The following MAP2K5 variants were observed in gnomAD, a reference collection of about 807,000 sequenced individuals.
The protein encoded by MAP2K5 is dual specificity mitogen-activated protein kinase kinase 5.
In MAP2K5, 49 loss-of-function variants were observed where a neutral mutation model predicts 83.1. The observed-to-expected ratio is 0.59, with a 90% CI of 0.47 to 0.75. The LOEUF (loss-of-function observed/expected upper bound fraction) is 0.75. MAP2K5 is among the 30% of genes least tolerant of loss of function. The probability of loss-of-function intolerance (pLI) is 0.00; values close to 1 mark genes in which losing one functional copy is unlikely to be tolerated. For synonymous variants in MAP2K5, 202 were observed against 191.8 expected (o/e 1.05, Z -0.44); for missense variants, 457 against 557.5 (o/e 0.82, Z 1.82).
In MAP2K5 at chr15:67,565,001, A is replaced by AT. The variant is rs2084809265; in HGVS notation, c.252+1658dup. ...ATATACAAAATGCTTGAGGTATTTAATTTTTTTAGTTTTAATAATCACTCT... is the reference window on the plus strand; with the variant it reads ...ATATACAAAATGCTTGAGGTATTTAATTTTTTTTAGTTTTAATAATCACTCT... On this transcript the variant is annotated intron_variant, in intron 3 of 21. Transcript: ENST00000178640. This position sits in a 1 kb window ranked among gnomAD's most constrained non-coding sequence, Gnocchi z 4.1. Among the ~76,000 whole-genome samples, 1 of 152,158 alleles carries AT rather than the reference A, an allele frequency of 6.6e-6. No individual in the cohort carries two copies. Among genetic ancestry groups the AT allele is most frequent in the South Asian group, 2.1e-4 (1 of 4,832 alleles).
At chr15:67,673,140 T>C (rs1387210194) in intron 13 of MAP2K5, among the ~76,000 whole-genome samples, 1 of 152,208 alleles carries the variant, frequency 6.6e-6, no homozygotes, top group Non-Finnish European at 1.5e-5. Flanking sequence ...GACTTGGCAA[T>C]GCGGTCTCTT....
At chr15:67,549,060 T>C (rs1390793031) in intron 1 of MAP2K5, 7 of 1,519,416 alleles carry the variant, frequency 4.6e-6, no homozygotes, top group African/African-American at 1.4e-5. Flanking sequence ...TGCTGAGAAA[T>C]ACTGCGAGCG....
chr15:67,673,949 A>G (rs1053244369), intron 13 of MAP2K5, among the ~76,000 whole-genome samples: 1 of 152,034 alleles, frequency 6.6e-6, no homozygotes, highest in African/African-American at 2.4e-5. Flanking sequence ...CCCAGGTTCA[A>G]ACGATTCTCC....
At chr15:67,697,110 C>A (rs1486483372) in intron 15 of MAP2K5, among the ~76,000 whole-genome samples, 1 of 152,090 alleles carries the variant, frequency 6.6e-6, no homozygotes, top group East Asian at 1.9e-4. Flanking sequence ...AAATAGAAGG[C>A]ATGGGTGAGG....
rs189470661 is a variant in MAP2K5, at chr15:67,779,908, T to C, written c.1242+7156T>C. On this transcript the variant is annotated intron_variant, in intron 21 of 21. Coordinates refer to ENST00000178640, the MANE Select transcript of MAP2K5 (RefSeq NM_145160.3). The surrounding 1 kb of genome is among the most constrained non-coding windows in gnomAD (Gnocchi z 4.6). ...TGGGTCTTTAAAGTATGTTACACTT[T>C]AGTTCCTCATTGGCCATGACTCAGC... 8.3e-4 allele frequency among the ~76,000 whole-genome samples: 127 copies of C among 152,302 alleles called. No individual in the cohort carries two copies. Among genetic ancestry groups the C allele is most frequent in the Middle Eastern group, 3.4e-3 (1 of 294 alleles).
At chr15:67,712,133 G>C (rs1244823548) in intron 16 of MAP2K5, among the ~76,000 whole-genome samples, 1 of 152,210 alleles carries the variant, frequency 6.6e-6, no homozygotes, top group Non-Finnish European at 1.5e-5. Flanking sequence ...GGCATTAAGT[G>C]AAGGTTTAGA....
chr15:67,544,196 G>C (rs1001047372), intron 1 of MAP2K5, among the ~76,000 whole-genome samples: 11 of 152,156 alleles, frequency 7.2e-5, no homozygotes, highest in African/African-American at 2.7e-4. Flanking sequence ...CCCAGCCTGA[G>C]CAAACTTAAA....
chr15:67,568,759 C>T (rs759593730), intron 3 of MAP2K5, among the ~76,000 whole-genome samples: 1 of 152,020 alleles, frequency 6.6e-6, no homozygotes, highest in Non-Finnish European at 1.5e-5. Context: ...GTAATCCCAG[C>T]ACTTTGGGAG....
chr15:67,716,120 C>G (rs991384665), intron 16 of MAP2K5, among the ~76,000 whole-genome samples: 2 of 152,148 alleles, frequency 1.3e-5, no homozygotes, highest in Non-Finnish European at 2.9e-5. Flanking sequence ...TGACAAAATC[C>G]CTGCTTTAAT....
chr15:67,692,391 C>G (rs1237847034), intron 13 of MAP2K5, 88 bp from the exon 14 acceptor site: 1 of 794,996 alleles, frequency 1.3e-6, no homozygotes, highest in African/African-American at 1.7e-5. Flanking sequence ...ATTTCTGCAA[C>G]TTGGTGTGGT....
In MAP2K5 at chr15:67,722,039, G is replaced by T. The variant is rs1380553135; in HGVS notation, c.1045-5877G>T. Among the ~76,000 whole-genome samples, 1 of 152,160 alleles carries T rather than the reference G, an allele frequency of 6.6e-6. No homozygotes were observed. The highest frequency in any genetic ancestry group is 1.5e-5 in the Non-Finnish European group (1 of 68,030). On this transcript the variant is annotated intron_variant, in intron 16 of 21. Transcript: ENST00000178640. The surrounding 1 kb of genome is among the most constrained non-coding windows in gnomAD (Gnocchi z 4.2). ...TTTTGATTTTAATATATTTGCTGTA[G>T]TGAGTACTGATAATGTGGAGGGTCC...
chr15:67,619,915 T>C (rs942705607), intron 8 of MAP2K5, among the ~76,000 whole-genome samples: 3 of 151,746 alleles, frequency 2.0e-5, no homozygotes, highest in African/African-American at 7.3e-5. Context: ...AAAATAAAAG[T>C]AAAATTTAGC....
chr15:67,627,069 A>G (rs1023281112), intron 8 of MAP2K5, among the ~76,000 whole-genome samples: 1 of 151,990 alleles, frequency 6.6e-6, no homozygotes, highest in Admixed American at 6.5e-5. Context: ...TAGTCCCTAC[A>G]GGGGGACTAT....
At position 67,676,940 on chromosome 15, in the gene MAP2K5, T is replaced by C. The variant is rs1050584384; in HGVS notation, c.847+12295T>C. 6.6e-5 allele frequency among the ~76,000 whole-genome samples: 10 copies of C among 152,314 alleles called. No homozygotes were observed. The highest frequency in any genetic ancestry group is 2.4e-4 in the African/African-American group (10 of 41,566). On this transcript the variant is annotated intron_variant, in intron 13 of 21. Coordinates refer to ENST00000178640, the MANE Select transcript of MAP2K5 (RefSeq NM_145160.3). The surrounding 1 kb of genome is among the most constrained non-coding windows in gnomAD (Gnocchi z 4.8). Reference sequence around the variant, plus strand: ...ACCTTGGGTCAGCTTCTTAACTTCTTTGAGGTCATAGCATTGTACCTGGCA... The same window carrying C: ...ACCTTGGGTCAGCTTCTTAACTTCTCTGAGGTCATAGCATTGTACCTGGCA...
intron 4 of MAP2K5, among the ~76,000 whole-genome samples, chr15:67,582,765 G>A (rs1230609201): frequency 6.6e-6 from 1 of 152,008 alleles, no homozygotes; most frequent in East Asian, 1.9e-4. Context: ...AGGCTACAGT[G>A]AGCCATGTTT....
intron 16 of MAP2K5, among the ~76,000 whole-genome samples, chr15:67,712,046 G>A (rs1224134504): frequency 6.6e-6 from 1 of 152,220 alleles, no homozygotes; most frequent in Non-Finnish European, 1.5e-5. Context: ...ACAAAACTGA[G>A]TGGAGCGTTT....
At position 67,801,969 on chromosome 15, in the gene MAP2K5, G is replaced by C. The variant is rs536545951; in HGVS notation, c.1243-4677G>C. Among the ~76,000 whole-genome samples the C allele has an allele frequency of 3.2e-4, 48 of 152,304 alleles. No individual in the cohort carries two copies. The highest frequency in any genetic ancestry group is 1.1e-3 in the African/African-American group (47 of 41,560). ...AGCCCAACTAAGGGCAGACAGCGAG[G>C]TGTCATTAAATGAGCACTGGACTGG... On this transcript the variant is annotated intron_variant, in intron 21 of 21. Coordinates refer to ENST00000178640, the MANE Select transcript of MAP2K5 (RefSeq NM_145160.3). The surrounding 1 kb of genome is among the most constrained non-coding windows in gnomAD (Gnocchi z 4.8).
intron 8 of MAP2K5, among the ~76,000 whole-genome samples, chr15:67,608,333 G>T (rs1246632981): frequency 6.6e-6 from 1 of 152,200 alleles, no homozygotes; most frequent in African/African-American, 2.4e-5. Context: ...GAGGGATTGG[G>T]GAATTGTGTC....
At chr15:67,656,937 T>C (rs1225245664) in intron 11 of MAP2K5, among the ~76,000 whole-genome samples, 3 of 152,186 alleles carry the variant, frequency 2.0e-5, no homozygotes, top group Non-Finnish European at 4.4e-5. Flanking sequence ...CTCATCAAAC[T>C]TAACAGGAAC....
Sources: gnomAD v4.1 joint callset for allele counts (sites outside exome capture counted in the v4.1 genomes callset) on GRCh38, gnomAD v4.1.1 for gene constraint, Gnocchi (gnomAD v3.1) non-coding constraint, MANE v1.5 for transcripts, NCBI Gene and HGNC (gene_info 2026-07-23, HGNC 2026-07-21) for gene names.